Variants in EIF2AK1 observed in about 807,000 individuals in gnomAD.
The protein encoded by EIF2AK1 is eukaryotic translation initiation factor 2 alpha kinase 1.
EIF2AK1 carries 54 observed loss-of-function variants against 77.9 expected under a neutral mutation model. The ratio of observed to expected loss-of-function variants is 0.69; its 90% CI spans 0.56 to 0.87. The LOEUF is 0.87. Ranked by LOEUF, EIF2AK1 falls within the 40% of genes least tolerant of loss-of-function variation. EIF2AK1 has a pLI of 0.00. For missense variants in EIF2AK1, 810 were observed against 768.6 expected, an observed-to-expected ratio of 1.05 and a Z score of -0.64; for synonymous variants, 314 against 290.5, an observed-to-expected ratio of 1.08 and a Z score of -0.82.
In EIF2AK1 at chr7:6,041,043, A is replaced by G. The variant is rs1445241435; in HGVS notation, c.968T>C (p.Leu323Pro). Residue 323 changes from leucine to proline, a missense_variant, in exon 9 of 15, where the codon CTG becomes CCG. Leu to Pro is a moderately conservative substitution (Grantham distance 98). Coordinates refer to ENST00000199389, the MANE Select transcript of EIF2AK1 (RefSeq NM_014413.4). ...AGCCAAGCCATTTTCCTGGAGCTCC[A>G]GGGTCGACTCAAGTTCACCAGATTC... ...IRESGELEST[L>P]ELQENGLAGL... is the part of the protein sequence containing the mutation. 1.9e-6 allele frequency: 3 copies of G among 1,614,036 alleles called. No individual in the cohort carries two copies. Among genetic ancestry groups the G allele is most frequent in the African/African-American group, 1.3e-5 (1 of 74,916 alleles).
intron 11 of EIF2AK1, among the ~76,000 whole-genome samples, chr7:6,034,311 T>A (rs1230792511): frequency 1.3e-5 from 2 of 151,568 alleles, no homozygotes; most frequent in Non-Finnish European, 2.9e-5. Flanking sequence ...CATCTCAAAA[T>A]AATAATAATA....
chr7:6,039,688 A>G (rs1788239587), intron 9 of EIF2AK1, among the ~76,000 whole-genome samples: 1 of 149,482 alleles, frequency 6.7e-6, no homozygotes, highest in Non-Finnish European at 1.5e-5. Context: ...TAATCCCAGC[A>G]CTTTGGGAGG....
At chr7:6,049,404 G>A (rs983024569) in intron 3 of EIF2AK1, among the ~76,000 whole-genome samples, 32 of 152,080 alleles carry the variant, frequency 2.1e-4, no homozygotes, top group Non-Finnish European at 4.0e-4. Flanking sequence ...TTAGTTGGGT[G>A]TGGTGGCAGG....
In EIF2AK1 at chr7:6,059,117, C is replaced by T. The variant is rs1049331540; in HGVS notation, c.-34G>A. 2.3e-6 allele frequency: 3 copies of T among 1,323,038 alleles called. No individual in the cohort carries two copies. The highest frequency in any genetic ancestry group is 4.1e-5 in the Admixed American group (1 of 24,358). 82.0% of individuals were successfully genotyped at this position (1,323,038 alleles called of 1,614,324 possible). A position where few individuals can be genotyped will look rare whatever the true frequency, so the allele number is the denominator to read the frequency against. ...GCGCGCGGGCCGCAGCCCAGCCCGC[C>T]GGCCAGCCCAGCACTGCCACACTCC... is the stretch of plus-strand genomic sequence containing the variant. On this transcript the variant is annotated 5_prime_UTR_variant, in exon 1 of 15. Transcript: ENST00000199389.
intron 4 of EIF2AK1, among the ~76,000 whole-genome samples, chr7:6,048,526 C>G (rs1788508860): frequency 6.6e-6 from 1 of 152,136 alleles, no homozygotes; most frequent in African/African-American, 2.4e-5. Context: ...AGTATTTAAA[C>G]TAGCGAGAAT....
rs1347828449 is a variant in EIF2AK1 at position 6,024,517 on chromosome 7, G to A, written c.*156C>T. 2.1e-6 allele frequency: 3 copies of A among 1,440,530 alleles called. No homozygotes were observed. Among genetic ancestry groups the A allele is most frequent in the Admixed American group, 6.0e-5 (2 of 33,494 alleles). 89.2% of individuals were successfully genotyped at this position (1,440,530 alleles called of 1,614,324 possible). A position where few individuals can be genotyped will look rare whatever the true frequency, so the allele number is the denominator to read the frequency against. Reference sequence around the variant, plus strand: ...GAAATTCAGGAAAAGGAGCTTGTGGGGCAGGAAGGGAAGGAACGGCAGCTT... The same window carrying A: ...GAAATTCAGGAAAAGGAGCTTGTGGAGCAGGAAGGGAAGGAACGGCAGCTT... On this transcript the variant is annotated 3_prime_UTR_variant, in exon 15 of 15. Transcript: ENST00000199389.
rs1788565969 is a variant in EIF2AK1 at position 6,050,143 on chromosome 7, A to G, written c.278-98T>C. 3.3e-6 allele frequency: 3 copies of G among 921,544 alleles called. No individual in the cohort carries two copies. The East Asian group carries it at 8.1e-5, about 25-fold the overall frequency. The allele number at this position is 921,544 out of a possible 1,614,324, so 57.1% of individuals were successfully genotyped here. On this transcript the variant is annotated intron_variant, in intron 2 of 14. Coordinates refer to ENST00000199389, the MANE Select transcript of EIF2AK1 (RefSeq NM_014413.4). ...GAATAACGTGTAATAATAGCAATATATACAAAAACCTCAATAGGAAAAATA... is the reference window on the plus strand; with the variant it reads ...GAATAACGTGTAATAATAGCAATATGTACAAAAACCTCAATAGGAAAAATA...
chr7:6,042,365 C>A (rs1368961571), intron 8 of EIF2AK1, among the ~76,000 whole-genome samples: 1 of 150,948 alleles, frequency 6.6e-6, no homozygotes, highest in Non-Finnish European at 1.5e-5. Context: ...TCAGGAGGAT[C>A]GCTTAAACCT....
chr7:6,022,319 TAATC>T lies in EIF2AK1; in HGVS notation c.*2350_*2353del, dbSNP rs1383862558. The T allele has an allele frequency of 2.0e-5, 3 of 152,220 alleles. No homozygotes were observed. Among genetic ancestry groups the T allele is most frequent in the South Asian group, 2.1e-4 (1 of 4,830 alleles). 9.4% of individuals were successfully genotyped at this position (152,220 alleles called of 1,614,324 possible). On this transcript the variant is annotated 3_prime_UTR_variant, in exon 15 of 15. Coordinates refer to ENST00000199389, the MANE Select transcript of EIF2AK1 (RefSeq NM_014413.4). ...AATATACAGACCATACAAAACGTGT[TAATC>T]AACTGTGATGGGTAAGGCTTCCCAT...
At position 6,024,062 on chromosome 7, in the gene EIF2AK1, T is replaced by C. The variant is rs1342369921; in HGVS notation, c.*611A>G. ...AGATCTGAGCTGCCTGGAGATCATC[T>C]GGGGTGCGGAGTACAAAGCTTTGCA... On this transcript the variant is annotated 3_prime_UTR_variant, in exon 15 of 15. Coordinates refer to ENST00000199389, the MANE Select transcript of EIF2AK1 (RefSeq NM_014413.4). 7.7e-7 allele frequency: 1 copy of C among 1,307,114 alleles called. No homozygotes were observed. The highest frequency in any genetic ancestry group is 1.0e-6 in the Non-Finnish European group (1 of 1,001,392). 81.0% of individuals were successfully genotyped at this position (1,307,114 alleles called of 1,614,324 possible). A position where few individuals can be genotyped will look rare whatever the true frequency, so the allele number is the denominator to read the frequency against.
intron 2 of EIF2AK1, 50 bp from the exon 3 acceptor site, chr7:6,050,095 G>A: frequency 6.6e-7 from 1 of 1,507,406 alleles, no homozygotes; most frequent in Non-Finnish European, 9.0e-7. Context: ...TTAATAAAAT[G>A]GCAATTTTAA....
chr7:6,025,682 C>G (rs1266290017), intron 14 of EIF2AK1, among the ~76,000 whole-genome samples: 2 of 152,142 alleles, frequency 1.3e-5, no homozygotes, highest in East Asian at 3.9e-4. Context: ...TTCGCCGAGG[C>G]TGGAGTACAG....
In EIF2AK1 at chr7:6,047,672, C is replaced by CAA. The variant is rs55810408; in HGVS notation, c.450-583_450-582dup. The CAA allele has an allele frequency of 1.5e-4, 21 of 144,720 alleles. No homozygotes were observed. In the East Asian group the frequency reaches 2.0e-3, roughly 14 times the overall value. The allele number at this position is 144,720 out of a possible 1,614,324, so 9.0% of individuals were successfully genotyped here. On this transcript the variant is annotated intron_variant, in intron 4 of 14. Coordinates refer to ENST00000199389, the MANE Select transcript of EIF2AK1 (RefSeq NM_014413.4). The stretch of plus-strand genomic sequence containing the variant: ...TGGGTGACAGAGCAAGACTCTGTCT[C>CAA]AAAAAAAAAAAAAAATTACTGAAAT...
intron 2 of EIF2AK1, among the ~76,000 whole-genome samples, chr7:6,052,816 A>G (rs997548865): frequency 2.0e-5 from 3 of 151,782 alleles, no homozygotes; most frequent in Non-Finnish European, 4.4e-5. Flanking sequence ...AAATACAAAA[A>G]TTACCCGGGC....
chr7:6,043,438 A>AT (rs952815137), intron 7 of EIF2AK1, among the ~76,000 whole-genome samples: 1,764 of 149,966 alleles, frequency 0.012, 42 homozygotes, highest in African/African-American at 0.04. Flanking sequence ...ATTTAATGTA[A>AT]TTTTTTTTTT....
chr7:6,048,458 A>T (rs1262762915), intron 4 of EIF2AK1, among the ~76,000 whole-genome samples: 1 of 152,210 alleles, frequency 6.6e-6, no homozygotes, highest in Non-Finnish European at 1.5e-5. Context: ...GATAGACCAC[A>T]TGCTTATCTA....
chr7:6,037,987 A>G (rs1193260587), intron 10 of EIF2AK1, among the ~76,000 whole-genome samples: 2 of 152,190 alleles, frequency 1.3e-5, no homozygotes, highest in Non-Finnish European at 2.9e-5. Flanking sequence ...AGCTCCAGGA[A>G]TATGATTCAA....
Position 6,049,919 on chromosome 7 carries a change from A to G in EIF2AK1, c.404T>C (p.Val135Ala). The G allele has an allele frequency of 1.9e-6, 3 of 1,608,500 alleles. No individual in the cohort carries two copies. Among genetic ancestry groups the G allele is most frequent in the Non-Finnish European group, 2.5e-6 (3 of 1,178,872 alleles). ...ATATTTTTTAGGGCTTACCTGACGA[A>G]CTCTCTCTTTAGCAGACCTCATTAA... ...THLMRSAKER[V>A]RQDPCEDISR... is the part of the protein sequence containing the mutation. Residue 135 changes from valine (V) to alanine (A), a missense_variant, in exon 3 of 15, where the codon GTT becomes GCT. Around this residue, in one of 3 missense-constraint regions of EIF2AK1, gnomAD observed 246 missense variants for 199.0 expected, o/e 1.24. Transcript: ENST00000199389.
At position 6,038,660 on chromosome 7, in the gene EIF2AK1, G is replaced by A. The variant is rs201966269; in HGVS notation, c.1131C>T (p.His377=). The A allele has an allele frequency of 1.2e-5, 19 of 1,611,694 alleles. No individual in the cohort carries two copies. Among genetic ancestry groups the A allele is most frequent in the Non-Finnish European group, 1.6e-5 (19 of 1,178,914 alleles). The change falls in exon 10 of 15, where the codon CAC becomes CAT. Residue 377 remains histidine (H), a synonymous_variant. Transcript: ENST00000199389. ...NFLGQTEAQY[H]LMLHIQMQLC... Reference sequence around the variant, plus strand: ...GCTGCATCTGGATGTGCAGCATCAGGTGGTACTGTGCCTAGGAGAGGACAC... The same window carrying A: ...GCTGCATCTGGATGTGCAGCATCAGATGGTACTGTGCCTAGGAGAGGACAC...
Sources: gnomAD v4.1 joint callset for allele counts (sites outside exome capture counted in the v4.1 genomes callset) on GRCh38, gnomAD v4.1.1 for gene constraint, gnomAD v4.1.1 regional missense constraint, MANE v1.5 for transcripts, NCBI Gene and HGNC (gene_info 2026-07-23, HGNC 2026-07-21) for gene names.